Variants in VWCE observed in about 807,000 individuals in gnomAD.
VWCE encodes the protein von Willebrand factor C and EGF domain-containing protein.
In VWCE, 68 loss-of-function variants were observed where a neutral mutation model predicts 102.9. The ratio of observed to expected loss-of-function variants is 0.66; its 90% confidence interval spans 0.54 to 0.81. The LOEUF is 0.81. VWCE is among the 30% of genes least tolerant of loss of function. VWCE has a pLI of 0.00. For missense variants in VWCE, 1,137 were observed against 1,263.6 expected, an observed-to-expected ratio of 0.90 and a Z score of 1.52; for synonymous variants, 497 against 515.4, an observed-to-expected ratio of 0.96 and a Z score of 0.48.
Position 61,268,962 on chromosome 11 carries a change from C to G in VWCE, c.1842G>C (p.Pro614=). The change falls in exon 15 of 20, where the codon CCG becomes CCC. Residue 614 remains proline (P), a synonymous_variant. Transcript: ENST00000335613. ...RTDCVDSCPH[P]IRIPGQCCPD... Reference sequence around the variant, plus strand: ...GGCAGCACTGTCCAGGGATCCGGATCGGGTGAGGGCAGGAGTCCACACAGT... The same window carrying G: ...GGCAGCACTGTCCAGGGATCCGGATGGGGTGAGGGCAGGAGTCCACACAGT... The G allele has an allele frequency of 6.2e-7, 1 of 1,614,148 alleles. No homozygotes were observed. Among genetic ancestry groups the G allele is most frequent in the East Asian group, 2.2e-5 (1 of 44,888 alleles).
intron 1 of VWCE, among the ~76,000 whole-genome samples, chr11:61,293,125 C>T (rs1199142249): frequency 6.6e-6 from 1 of 151,256 alleles, no homozygotes; most frequent in East Asian, 1.9e-4. Context: ...CCTGTAATCC[C>T]AGCTACTTGG....
chr11:61,261,694 T>A (rs1447225361), intron 19 of VWCE, among the ~76,000 whole-genome samples: 1 of 151,590 alleles, frequency 6.6e-6, no homozygotes, highest in Non-Finnish European at 1.5e-5. Context: ...TAGTCCCAGC[T>A]ACCTGTGAGA....
rs775223320 is a variant in VWCE, at chr11:61,282,836, G to C, written c.611C>G (p.Ser204Cys). The C allele has an allele frequency of 2.5e-6, 4 of 1,614,096 alleles. No homozygotes were observed. Among genetic ancestry groups the C allele is most frequent in the East Asian group, 4.5e-5 (2 of 44,902 alleles). ...ATGAAGGTGGAAGCCAGTTCGACAG[G>C]AACACTTGTAGCTGCCAATGCTGTT... is the stretch of plus-strand genomic sequence containing the variant. The part of the protein sequence containing the change: ...CKNSIGSYKC[S>C]CRTGFHLHGN... Residue 204 changes from serine to cysteine, a missense_variant, in exon 6 of 20, where the codon TCC (serine) becomes TGC (cysteine). By Grantham distance (112) the Ser-to-Cys change is moderately radical (BLOSUM62 -1). Coordinates refer to ENST00000335613, the MANE Select transcript of VWCE (RefSeq NM_152718.2).
In VWCE at chr11:61,258,795, G is replaced by A. The variant is rs773297726; in HGVS notation, c.2748C>T (p.Leu916=). The A allele has an allele frequency of 5.3e-6, 8 of 1,500,406 alleles. No individual in the cohort carries two copies. The highest frequency in any genetic ancestry group is 4.2e-5 in the African/African-American group (3 of 71,266). 92.9% of individuals were successfully genotyped at this position (1,500,406 alleles called of 1,614,324 possible). A position where few individuals can be genotyped will look rare whatever the true frequency, so the allele number is the denominator to read the frequency against. The part of the protein sequence containing the change: ...PSPSKTPITL[L]GPRVLSPTTS... ...TGGTGGGAGAAAGCACGCGAGGCCC[G>A]AGGAGGGTGATGGGGGTCTTCGAGG... The change falls in exon 20 of 20, where the codon CTC becomes CTT. Residue 916 remains leucine, a synonymous_variant. Coordinates refer to ENST00000335613, the MANE Select transcript of VWCE (RefSeq NM_152718.2).
intron 3 of VWCE, 131 bp downstream of exon 3, chr11:61,291,133 G>A (rs1855490766): frequency 8.2e-7 from 1 of 1,222,752 alleles, no homozygotes; most frequent in Non-Finnish European, 1.1e-6. Flanking sequence ...TATAAAATGG[G>A]CACAAAATGT....
In VWCE at chr11:61,282,909, G is replaced by T. The variant is rs1855188301; in HGVS notation, c.542-4C>A. On this transcript the variant is annotated splice_polypyrimidine_tract_variant and splice_region_variant and intron_variant, in intron 5 of 19. Coordinates refer to ENST00000335613, the MANE Select transcript of VWCE (RefSeq NM_152718.2). ...GTCCCTAGGCATTCGTCAGTGTCTG[G>T]CAGGAAAAGGGACAAGACTGGGGTT... The T allele has an allele frequency of 1.2e-6, 2 of 1,611,802 alleles. No homozygotes were observed. Among genetic ancestry groups the T allele is most frequent in the Non-Finnish European group, 1.7e-6 (2 of 1,177,890 alleles).
intron 13 of VWCE, 35 bp from the exon 14 acceptor site, chr11:61,271,795 A>G: frequency 6.3e-7 from 1 of 1,595,898 alleles, no homozygotes; most frequent in Non-Finnish European, 8.6e-7. Flanking sequence ...AAGACGGCAC[A>G]AGACCTAGAC....
intron 12 of VWCE, 76 bp from the exon 13 acceptor site, chr11:61,273,392 A>G: frequency 7.2e-7 from 1 of 1,384,964 alleles, no homozygotes; most frequent in Non-Finnish European, 9.8e-7. Flanking sequence ...AGGAGGCCGC[A>G]GGCTGCCTGC....
At chr11:61,292,426 C>T (rs943046689) in intron 1 of VWCE, among the ~76,000 whole-genome samples, 8 of 152,182 alleles carry the variant, frequency 5.3e-5, no homozygotes, top group African/African-American at 1.9e-4. Flanking sequence ...CCCTACAACT[C>T]CCTGATGACA....
chr11:61,286,271 C>A, intron 5 of VWCE, 43 bp downstream of exon 5: 1 of 1,562,380 alleles, frequency 6.4e-7, no homozygotes, highest in Non-Finnish European at 8.7e-7. Context: ...TGTGGCATCC[C>A]CATTACCCCT....
chr11:61,293,025 C>T (rs1387809700), intron 1 of VWCE, among the ~76,000 whole-genome samples: 2 of 151,262 alleles, frequency 1.3e-5, no homozygotes, highest in South Asian at 2.1e-4. Flanking sequence ...GCGGATCACC[C>T]GAGGTCAGGA....
intron 19 of VWCE, among the ~76,000 whole-genome samples, chr11:61,260,383 C>T (rs946302965): frequency 2.6e-5 from 4 of 152,200 alleles, no homozygotes; most frequent in Non-Finnish European, 5.9e-5. Context: ...AAGCGATCCT[C>T]CCATCTCGGC....
intron 19 of VWCE, among the ~76,000 whole-genome samples, chr11:61,261,559 T>C (rs775786146): frequency 2.7e-5 from 4 of 149,452 alleles, no homozygotes; most frequent in South Asian, 2.1e-4. Flanking sequence ...CTGGGCAACA[T>C]AGCAAGACCT....
intron 1 of VWCE, among the ~76,000 whole-genome samples, chr11:61,293,416 C>CAAAAAA (rs752077588): frequency 6.3e-4 from 39 of 61,736 alleles, no homozygotes; most frequent in African/African-American, 1.8e-3. Context: ...GATTCTGTCT[C>CAAAAAA]AAAAAAAAAA....
intron 9 of VWCE, among the ~76,000 whole-genome samples, chr11:61,279,045 A>G (rs1855027363): frequency 6.6e-6 from 1 of 151,850 alleles, no homozygotes; most frequent in Admixed American, 6.6e-5. Flanking sequence ...TCTTAAAAAA[A>G]ACAAAAAAAC....
At chr11:61,281,756 G>A in intron 7 of VWCE, 30 bp downstream of exon 7, 1 of 1,590,912 alleles carries the variant, frequency 6.3e-7, no homozygotes, top group Non-Finnish European at 8.6e-7. Context: ...GGCGTGGCCA[G>A]CCGCCGGGAT....
intron 9 of VWCE, among the ~76,000 whole-genome samples, chr11:61,278,958 G>A (rs910009515): frequency 6.6e-6 from 1 of 152,014 alleles, no homozygotes; most frequent in Non-Finnish European, 1.5e-5. Flanking sequence ...AGAATCGCTT[G>A]AACCCGGGAG....
rs1565227085 is a variant in VWCE at position 61,281,815 on chromosome 11, C to T, written c.758G>A (p.Arg253Lys). The T allele has an allele frequency of 6.2e-7, 1 of 1,613,736 alleles. No individual in the cohort carries two copies. Residue 253 changes from arginine to lysine, a missense_variant, in exon 7 of 20, where the codon AGG becomes AAG. By Grantham distance (26) the Arg-to-Lys change is conservative (BLOSUM62 2). Coordinates refer to ENST00000335613, the MANE Select transcript of VWCE (RefSeq NM_152718.2). ...ACAGGACACGCGGTCAGCTCGGAGC[C>T]TGAAGCCAGGTCGGCATGTGCATAG... Reference protein sequence around the residue: ...SFLCTCRPGFRLRADRVSCEA... With the variant: ...SFLCTCRPGFKLRADRVSCEA...
intron 12 of VWCE, chr11:61,273,709 C>A (rs1854811328): frequency 5.4e-6 from 1 of 183,508 alleles, no homozygotes; most frequent in South Asian, 1.5e-4. Context: ...AGTGCCCACC[C>A]AGGTCCTGTC....
Sources: gnomAD v4.1 joint callset for allele counts (sites outside exome capture counted in the v4.1 genomes callset) on GRCh38, gnomAD v4.1.1 for gene constraint, MANE v1.5 for transcripts, NCBI Gene and HGNC (gene_info 2026-07-23, HGNC 2026-07-21) for gene names.